The following NCAM2 variants were observed in gnomAD, a reference collection of about 807,000 sequenced individuals.
NCAM2 encodes neural cell adhesion molecule 2.
NCAM2 carries 30 observed loss-of-function variants against 98.1 expected under a neutral mutation model. The ratio of observed to expected loss-of-function variants is 0.31; its 90% CI spans 0.23 to 0.41. NCAM2 has a LOEUF of 0.41. NCAM2 is among the 10% of genes least tolerant of loss of function. NCAM2 has a pLI of 1.00. For missense variants in NCAM2, 867 were observed against 1,005.8 expected (o/e 0.86, Z 1.87); for synonymous variants, 368 against 342.4 (o/e 1.07, Z -0.83).
At chr21:21,130,185 A>T (rs1279634313) in intron 1 of NCAM2, among the ~76,000 whole-genome samples, 1 of 152,146 alleles carries the variant, frequency 6.6e-6, no homozygotes, top group Non-Finnish European at 1.5e-5. Flanking sequence ...TGTCTTTTGA[A>T]TTGTTGGTTA....
rs1448130613 is a variant in NCAM2 at position 21,338,532 on chromosome 21, A to G, written c.1042A>G (p.Lys348Glu). The change falls in exon 8 of 18, where the codon AAG becomes GAG. Residue 348 changes from lysine to glutamate, a missense_variant and splice_region_variant. Physicochemically the swap from Lys to Glu is moderately conservative, Grantham distance 56. This residue lies in a region of NCAM2 where 447 missense variants were observed against 495.7 expected (regional missense o/e 0.90). Transcript: ENST00000400546. ...TGGCTTCACGTTCACTGAAGGCGAT[A>G]AGGTAACCACATCTCAATATGTAAT... ...VDGFTFTEGD[K>E]SLDGRIEVKG... 3.7e-6 allele frequency: 6 copies of G among 1,605,804 alleles called. No homozygotes were observed. The Admixed American group carries it at 8.6e-5, about 23-fold the overall frequency.
rs202018731 is a variant in NCAM2 at position 21,106,314 on chromosome 21, C to CAAAAAAAAAAAAA, written c.55+107699_55+107711dup. Among the ~76,000 whole-genome samples the CAAAAAAAAAAAAA allele has an allele frequency of 4.3e-3, 442 of 103,320 alleles. 10 individuals carry two copies. The highest frequency in any genetic ancestry group is 8.6e-3 in the African/African-American group (192 of 22,266). The allele number at this position is 103,320 out of a possible 152,430, so 67.8% of individuals were successfully genotyped here. On this transcript the variant is annotated intron_variant, in intron 1 of 17. Transcript: ENST00000400546. ...CAGAATGAGAGACATGTCTCAAAAGCAAAAAAAAAAAAAAAGGAACAGCCA... is the reference window on the plus strand; with the variant it reads ...CAGAATGAGAGACATGTCTCAAAAGCAAAAAAAAAAAAAAAAAAAAAAAAAAAAGGAACAGCCA...
intron 1 of NCAM2, among the ~76,000 whole-genome samples, chr21:21,104,896 T>C (rs2146502625): frequency 6.6e-6 from 1 of 152,226 alleles, no homozygotes; most frequent in African/African-American, 2.4e-5. Flanking sequence ...TCACTTCCTC[T>C]GGGAGAAATC....
intron 16 of NCAM2, among the ~76,000 whole-genome samples, chr21:21,527,587 A>C (rs1782674857): frequency 6.6e-6 from 1 of 152,172 alleles, no homozygotes; most frequent in African/African-American, 2.4e-5. Context: ...ACAAATAGTA[A>C]ATAAGCTTAT....
chr21:21,494,680 G>A (rs1987090479), intron 15 of NCAM2, among the ~76,000 whole-genome samples: 1 of 151,878 alleles, frequency 6.6e-6, no homozygotes, highest in African/African-American at 2.4e-5. Context: ...TTTTATATGT[G>A]CCAAAATGAT....
intron 5 of NCAM2, among the ~76,000 whole-genome samples, chr21:21,306,267 G>A (rs541776439): frequency 6.6e-6 from 1 of 152,178 alleles, no homozygotes; most frequent in African/African-American, 2.4e-5. Context: ...ATTAGTTATT[G>A]AGAAATAGCT....
At chr21:21,425,486 T>G (rs2077197645) in intron 11 of NCAM2, among the ~76,000 whole-genome samples, 1 of 152,150 alleles carries the variant, frequency 6.6e-6, no homozygotes, top group Non-Finnish European at 1.5e-5. Flanking sequence ...GTCCGTGAGT[T>G]GTGAGAAGAG....
At chr21:21,208,387 T>C (rs1218519102) in intron 1 of NCAM2, among the ~76,000 whole-genome samples, 1 of 152,020 alleles carries the variant, frequency 6.6e-6, no homozygotes. Flanking sequence ...CAGGGGAGGG[T>C]GGAATTGATG....
At chr21:21,295,161 C>G (rs887735775) in intron 5 of NCAM2, among the ~76,000 whole-genome samples, 1 of 151,844 alleles carries the variant, frequency 6.6e-6, no homozygotes, top group Non-Finnish European at 1.5e-5. Context: ...CTTGTCAAAT[C>G]TTGGCCTTGT....
intron 11 of NCAM2, among the ~76,000 whole-genome samples, chr21:21,420,967 A>G (rs927437882): frequency 3.3e-5 from 5 of 151,864 alleles, no homozygotes; most frequent in African/African-American, 1.2e-4. Flanking sequence ...AAGCCTTTGG[A>G]AATTATGCAA....
chr21:21,162,072 C>G (rs2067802590), intron 1 of NCAM2, among the ~76,000 whole-genome samples: 1 of 152,020 alleles, frequency 6.6e-6, no homozygotes. Flanking sequence ...GTGTGTGTCA[C>G]TGAACCATTT....
chr21:21,294,812 GT>G (rs75992452), intron 5 of NCAM2, among the ~76,000 whole-genome samples: 20,699 of 147,294 alleles, frequency 0.14, 2,365 homozygotes, highest in East Asian at 0.5. Context: ...AAATATCGAG[GT>G]TTTTTTTTTT....
intron 15 of NCAM2, among the ~76,000 whole-genome samples, chr21:21,499,460 C>T (rs1168366463): frequency 1.3e-5 from 2 of 152,118 alleles, no homozygotes; most frequent in Non-Finnish European, 2.9e-5. Context: ...CCAGGATGGT[C>T]TCGACCTCCT....
At chr21:21,098,278 A>G (rs1049467189) in intron 1 of NCAM2, among the ~76,000 whole-genome samples, 1 of 151,662 alleles carries the variant, frequency 6.6e-6, no homozygotes, top group Non-Finnish European at 1.5e-5. Flanking sequence ...TGGTATTACT[A>G]TGTAAACCCA....
At chr21:21,138,297 C>T (rs914019985) in intron 1 of NCAM2, among the ~76,000 whole-genome samples, 4 of 152,138 alleles carry the variant, frequency 2.6e-5, no homozygotes, top group African/African-American at 9.7e-5. Flanking sequence ...TTCTGCAAAC[C>T]AGCATTGCAG....
At chr21:21,270,656 T>A (rs1025160212) in intron 1 of NCAM2, among the ~76,000 whole-genome samples, 1 of 152,186 alleles carries the variant, frequency 6.6e-6, no homozygotes, top group Non-Finnish European at 1.5e-5. Context: ...AATAATCATT[T>A]CCCTCCATTT....
intron 1 of NCAM2, among the ~76,000 whole-genome samples, chr21:21,091,094 C>A (rs911380490): frequency 5.3e-5 from 8 of 152,154 alleles, no homozygotes; most frequent in African/African-American, 1.9e-4. Flanking sequence ...TTTCCCCAAT[C>A]TGAGTTCGAT....
intron 16 of NCAM2, among the ~76,000 whole-genome samples, chr21:21,515,417 T>C (rs1988654936): frequency 6.6e-6 from 1 of 152,178 alleles, no homozygotes; most frequent in Admixed American, 6.5e-5. Context: ...TTTTAAAAAA[T>C]GTTTCTACCT....
intron 1 of NCAM2, among the ~76,000 whole-genome samples, chr21:21,136,802 G>A (rs905515338): frequency 1.3e-5 from 2 of 151,816 alleles, no homozygotes; most frequent in Non-Finnish European, 2.9e-5. Flanking sequence ...AAGACGACAT[G>A]CAATGAAATC....
Sources: gnomAD v4.1 joint callset for allele counts (sites outside exome capture counted in the v4.1 genomes callset) on GRCh38, gnomAD v4.1.1 for gene constraint, gnomAD v4.1.1 regional missense constraint, MANE v1.5 for transcripts, NCBI Gene and HGNC (gene_info 2026-07-23, HGNC 2026-07-21) for gene names.